SORCS2: variants seen among roughly 807,000 people sequenced by gnomAD.
SORCS2 encodes VPS10 domain-containing receptor SorCS2.
Under a neutral mutation model 141.6 loss-of-function variants are expected in SORCS2, and 100 were observed. That is an observed-to-expected ratio of 0.71 (90% confidence interval 0.60 to 0.83). SORCS2 has a LOEUF of 0.83. SORCS2 is among the 40% of genes least tolerant of loss of function. The probability of loss-of-function intolerance (pLI) is 0.00; values close to 1 mark genes in which losing one functional copy is unlikely to be tolerated. For synonymous variants in SORCS2, 789 were observed against 676.9 expected (o/e 1.17, Z -2.57); for missense variants, 1,646 against 1,560.2 (o/e 1.05, Z -0.93).
chr4:7,575,595 G>T (rs895143416), intron 3 of SORCS2, among the ~76,000 whole-genome samples: 1 of 152,190 alleles, frequency 6.6e-6, no homozygotes, highest in Admixed American at 6.5e-5. Context: ...ACAGTGCCAA[G>T]TATCAGTTTT....
intron 3 of SORCS2, among the ~76,000 whole-genome samples, chr4:7,584,466 A>G (rs1043553943): frequency 6.6e-6 from 1 of 152,170 alleles, no homozygotes; most frequent in African/African-American, 2.4e-5. Context: ...GAACTTAGAC[A>G]CTCTCTAGTG....
At chr4:7,276,119 T>C (rs28719561) in intron 1 of SORCS2, among the ~76,000 whole-genome samples, 15,003 of 152,176 alleles carry the variant, frequency 0.099, 1,094 homozygotes, top group Admixed American at 0.24. Flanking sequence ...GTTGCAAGTT[T>C]CCTTCCAGCC....
intron 3 of SORCS2, among the ~76,000 whole-genome samples, chr4:7,572,114 T>C (rs1268971658): frequency 6.6e-6 from 1 of 152,180 alleles, no homozygotes; most frequent in Non-Finnish European, 1.5e-5. Flanking sequence ...TCAAGCAGCC[T>C]CCTGGTCTTG....
chr4:7,472,751 C>T (rs187113971), intron 2 of SORCS2, among the ~76,000 whole-genome samples: 11 of 152,250 alleles, frequency 7.2e-5, no homozygotes, highest in East Asian at 5.8e-4. Context: ...GACTGGTCCC[C>T]GCTGGAGGGG....
chr4:7,474,936 C>G (rs543917092), intron 2 of SORCS2, among the ~76,000 whole-genome samples: 7 of 152,246 alleles, frequency 4.6e-5, no homozygotes, highest in Admixed American at 4.6e-4. Flanking sequence ...TTACAGACTC[C>G]TCCCCCAGTC....
At chr4:7,431,729 C>T (rs1408325422) in intron 2 of SORCS2, 2 of 152,168 alleles carry the variant, frequency 1.3e-5, no homozygotes, top group Admixed American at 1.3e-4. Context: ...CGGGCCCAGG[C>T]CTGCCCAGCC....
rs143873143 is a variant in SORCS2, at chr4:7,240,115, T to C, written c.480+46989T>C. 4.0e-3 allele frequency among the ~76,000 whole-genome samples: 616 copies of C among 152,330 alleles called. 4 individuals are homozygous for C. The highest frequency in any genetic ancestry group is 0.014 in the African/African-American group (562 of 41,578). On this transcript the variant is annotated intron_variant, in intron 1 of 26. Coordinates refer to ENST00000507866, the MANE Select transcript of SORCS2 (RefSeq NM_020777.3). ...GCCTGGGAGAGTCCACCTGACGTTG[T>C]TGGGCCTCCGTGTTCTGGGCTGTGA...
chr4:7,377,243 A>G (rs897095432), intron 1 of SORCS2, among the ~76,000 whole-genome samples: 5 of 151,954 alleles, frequency 3.3e-5, no homozygotes, highest in African/African-American at 1.2e-4. Context: ...ACCATTCCCC[A>G]GTAGGGGTTG....
intron 2 of SORCS2, among the ~76,000 whole-genome samples, chr4:7,418,734 C>T (rs1044029404): frequency 1.5e-5 from 2 of 135,658 alleles, no homozygotes; most frequent in African/African-American, 5.4e-5. Context: ...TAGATTAAAA[C>T]AACAGTCATT....
chr4:7,661,858 T>TGGAGGTG (rs1722195717), intron 6 of SORCS2, among the ~76,000 whole-genome samples: 1 of 151,978 alleles, frequency 6.6e-6, no homozygotes, highest in South Asian at 2.1e-4. Context: ...GTGCTAAGTG[T>TGGAGGTG]GGAGGTGGGG....
chr4:7,318,835 A>T (rs987342797), intron 1 of SORCS2, among the ~76,000 whole-genome samples: 1 of 152,190 alleles, frequency 6.6e-6, no homozygotes. Context: ...CACCATCAAG[A>T]TATAGAATAA....
intron 1 of SORCS2, among the ~76,000 whole-genome samples, chr4:7,389,866 G>T (rs537223732): frequency 6.6e-6 from 1 of 152,298 alleles, no homozygotes; most frequent in African/African-American, 2.4e-5. Context: ...ACTGCTGAGG[G>T]ATGGGAGGAG....
At chr4:7,450,832 GTGAGTGAA>G (rs1194280404) in intron 2 of SORCS2, among the ~76,000 whole-genome samples, 2 of 152,224 alleles carry the variant, frequency 1.3e-5, no homozygotes, top group African/African-American at 4.8e-5. Context: ...GTGTGAATGA[GTGAGTGAA>G]TGAGTGAATG....
At position 7,664,520 on chromosome 4, in the gene SORCS2, G is replaced by C. The variant is rs371377930; in HGVS notation, c.1071+49G>C. 1.4e-6 allele frequency: 2 copies of C among 1,390,744 alleles called. No individual in the cohort carries two copies. The highest frequency in any genetic ancestry group is 1.8e-4 in the Middle Eastern group (1 of 5,630). 86.2% of individuals were successfully genotyped at this position (1,390,744 alleles called of 1,614,324 possible). A position where few individuals can be genotyped will look rare whatever the true frequency, so the allele number is the denominator to read the frequency against. On this transcript the variant is annotated intron_variant, in intron 7 of 26. Coordinates refer to ENST00000507866, the MANE Select transcript of SORCS2 (RefSeq NM_020777.3). The surrounding 1 kb of genome is among the most constrained non-coding windows in gnomAD (Gnocchi z 4.7). ...GGAAATTGGCAACAGGTGACGTGGCGGATGACCCGTTCGCGGCAAAAATGG... is the reference window on the plus strand; with the variant it reads ...GGAAATTGGCAACAGGTGACGTGGCCGATGACCCGTTCGCGGCAAAAATGG...
At chr4:7,451,186 G>A (rs1012097059) in intron 2 of SORCS2, among the ~76,000 whole-genome samples, 2 of 152,250 alleles carry the variant, frequency 1.3e-5, no homozygotes, top group Non-Finnish European at 2.9e-5. Context: ...ATAAATGCGT[G>A]AATGAATGCA....
intron 2 of SORCS2, among the ~76,000 whole-genome samples, chr4:7,514,754 C>T (rs887245029): frequency 1.3e-5 from 2 of 152,072 alleles, no homozygotes. Context: ...GCCTTGGTGT[C>T]GGGGTTTTTA....
At chr4:7,221,646 A>G (rs1413443579) in intron 1 of SORCS2, among the ~76,000 whole-genome samples, 1 of 152,240 alleles carries the variant, frequency 6.6e-6, no homozygotes, top group African/African-American at 2.4e-5. Flanking sequence ...GAAACAGCGA[A>G]GGAAAGACAG....
At chr4:7,557,635 TC>T (rs1310749948) in intron 3 of SORCS2, among the ~76,000 whole-genome samples, 1 of 152,222 alleles carries the variant, frequency 6.6e-6, no homozygotes, top group African/African-American at 2.4e-5. Flanking sequence ...CCAGGGCTTT[TC>T]CATCTCCAGT....
chr4:7,440,732 C>A (rs960677684), intron 2 of SORCS2, among the ~76,000 whole-genome samples: 2 of 152,236 alleles, frequency 1.3e-5, no homozygotes, highest in Non-Finnish European at 1.5e-5. Context: ...CTGCCCTTCC[C>A]AAGTCTCCTG....
Sources: allele counts gnomAD v4.1 joint callset (sites outside exome capture counted in the v4.1 genomes callset), GRCh38; gene constraint gnomAD v4.1.1; non-coding constraint Gnocchi (gnomAD v3.1); transcripts MANE v1.5; gene names NCBI Gene and HGNC (gene_info 2026-07-23, HGNC 2026-07-21).